Variants in RSPO3 observed in about 807,000 individuals in gnomAD.
The protein encoded by RSPO3 is R-spondin 3.
RSPO3 carries 17 observed loss-of-function variants against 36.5 expected under a neutral mutation model. That is an observed-to-expected ratio of 0.47 (90% CI 0.32 to 0.70). RSPO3 has a LOEUF of 0.70. RSPO3 is among the 30% of genes least tolerant of loss of function. RSPO3 has a pLI of 0.04. For missense variants in RSPO3, 294 were observed against 322.5 expected (o/e 0.91, Z 0.68); for synonymous variants, 108 against 107.0 (o/e 1.01, Z -0.06).
intron 1 of RSPO3, among the ~76,000 whole-genome samples, chr6:127,141,887 G>A (rs1191434427): frequency 6.6e-6 from 1 of 152,116 alleles, no homozygotes; most frequent in Admixed American, 6.6e-5. Context: ...ATATATGTGT[G>A]TGTGTATCCA....
intron 4 of RSPO3, among the ~76,000 whole-genome samples, chr6:127,160,631 A>T (rs75870051): frequency 1.3e-5 from 2 of 152,188 alleles, no homozygotes; most frequent in African/African-American, 4.8e-5. Context: ...TTCTAGGAGA[A>T]GGGTGGTAAC....
chr6:127,161,846 C>T (rs1372413116), intron 4 of RSPO3, among the ~76,000 whole-genome samples: 1 of 152,120 alleles, frequency 6.6e-6, no homozygotes, highest in African/African-American at 2.4e-5. Context: ...CCTAAGCAAA[C>T]AATGATCTTG....
intron 1 of RSPO3, among the ~76,000 whole-genome samples, chr6:127,148,000 A>G (rs1369320128): frequency 1.3e-5 from 2 of 152,156 alleles, no homozygotes; most frequent in African/African-American, 4.8e-5. Context: ...TGTGAGAAGA[A>G]ATATTTAATG....
rs74643666 is a variant in RSPO3, at chr6:127,197,870, C to G, written c.*1863C>G. On this transcript the variant is annotated 3_prime_UTR_variant, in exon 5 of 5. Transcript: ENST00000356698. ...TATAAAATAATTCTAATTCCATTTT[C>G]AGCTAAAACATATATTACCAAGAAG... is the stretch of plus-strand genomic sequence containing the variant. 0.022 allele frequency: 3,906 copies of G among 180,306 alleles called. 48 individuals are homozygous for G. Among genetic ancestry groups the G allele is most frequent in the South Asian group, 0.043 (272 of 6,396 alleles). The allele number at this position is 180,306 out of a possible 1,614,324, so 11.2% of individuals were successfully genotyped here.
rs568286189 is a variant in RSPO3 at position 127,126,936 on chromosome 6, TCTTTGCA to T, written c.97+7651_97+7657del. 3.5e-3 allele frequency among the ~76,000 whole-genome samples: 539 copies of T among 152,200 alleles called. 3 individuals are homozygous for T. The highest frequency in any genetic ancestry group is 0.012 in the African/African-American group (518 of 41,554). Reference sequence around the variant, plus strand: ...AAGCAGTTTATTCTCCTAGTCCTCTTCTTTGCACTTGGCATGGGCATGGTATTAGATC... The same window carrying T: ...AAGCAGTTTATTCTCCTAGTCCTCTTCTTGGCATGGGCATGGTATTAGATC... On this transcript the variant is annotated intron_variant, in intron 1 of 4. Coordinates refer to ENST00000356698, the MANE Select transcript of RSPO3 (RefSeq NM_032784.5).
chr6:127,126,877 CT>C (rs922881186), intron 1 of RSPO3, among the ~76,000 whole-genome samples: 2 of 152,068 alleles, frequency 1.3e-5, no homozygotes, highest in African/African-American at 4.8e-5. Context: ...AGCTCTCCCC[CT>C]TTTTCCTCCT....
intron 1 of RSPO3, among the ~76,000 whole-genome samples, chr6:127,140,686 C>T (rs1309044916): frequency 2.0e-5 from 3 of 152,120 alleles, no homozygotes; most frequent in African/African-American, 2.4e-5. Flanking sequence ...CTTAGAAATG[C>T]AGAGGCTACA....
At position 127,150,500 on chromosome 6, in the gene RSPO3, C is replaced by T. The variant is rs758211832; in HGVS notation, c.364C>T (p.Leu122Phe). The change falls in exon 3 of 5, where the codon CTT becomes TTT. Residue 122 changes from leucine (L) to phenylalanine (F), a missense_variant. Physicochemically the swap from Leu to Phe is conservative, Grantham distance 22. Coordinates refer to ENST00000356698, the MANE Select transcript of RSPO3 (RefSeq NM_032784.5). ...TKCKSGFYLH[L>F]GKCLDNCPEG... ...ATGTAAAAGTGGATTTTACTTACACCTTGGAAAGTGCCTTGACAATTGCCC... is the reference window on the plus strand; with the variant it reads ...ATGTAAAAGTGGATTTTACTTACACTTTGGAAAGTGCCTTGACAATTGCCC... 2.2e-5 allele frequency: 36 copies of T among 1,612,274 alleles called. No individual in the cohort carries two copies. Among genetic ancestry groups the T allele is most frequent in the Non-Finnish European group, 3.1e-5 (36 of 1,179,098 alleles).
At chr6:127,179,938 A>G (rs1051575546) in intron 4 of RSPO3, among the ~76,000 whole-genome samples, 1 of 151,896 alleles carries the variant, frequency 6.6e-6, no homozygotes, top group Non-Finnish European at 1.5e-5. Context: ...AATTAAATGG[A>G]CCAATCTGGA....
At chr6:127,152,839 T>C (rs1774516831) in intron 3 of RSPO3, among the ~76,000 whole-genome samples, 1 of 152,162 alleles carries the variant, frequency 6.6e-6, no homozygotes, top group Non-Finnish European at 1.5e-5. Flanking sequence ...CTTTCTGCAC[T>C]GTCATTTTGT....
intron 4 of RSPO3, among the ~76,000 whole-genome samples, chr6:127,189,790 T>C (rs907411461): frequency 9.2e-5 from 14 of 152,166 alleles, no homozygotes; most frequent in Admixed American, 9.2e-4. Context: ...GAAAATTAAA[T>C]AGAAAAGGCA....
At chr6:127,181,705 G>A (rs956336884) in intron 4 of RSPO3, among the ~76,000 whole-genome samples, 1 of 151,818 alleles carries the variant, frequency 6.6e-6, no homozygotes, top group African/African-American at 2.4e-5. Flanking sequence ...AGATAAACAA[G>A]TAAGCCAACC....
chr6:127,160,737 C>A (rs1774694341), intron 4 of RSPO3, among the ~76,000 whole-genome samples: 1 of 152,072 alleles, frequency 6.6e-6, no homozygotes, highest in African/African-American at 2.4e-5. Flanking sequence ...GTGGGTGTGT[C>A]TTTTAGAAAG....
At chr6:127,135,204 G>T (rs1027429491) in intron 1 of RSPO3, among the ~76,000 whole-genome samples, 1 of 151,666 alleles carries the variant, frequency 6.6e-6, no homozygotes, top group Admixed American at 6.6e-5. Flanking sequence ...GGCAGATTAC[G>T]AGGTCAAGAG....
rs56388820 is a variant in RSPO3 at position 127,144,643 on chromosome 6, G to GTTTTTTTTTTTT, written c.98-4003_98-3992dup. On this transcript the variant is annotated intron_variant, in intron 1 of 4. Coordinates refer to ENST00000356698, the MANE Select transcript of RSPO3 (RefSeq NM_032784.5). Reference sequence around the variant, plus strand: ...TGTAATTTTTCAGTAGCTTCCCCTTGTTTTTTTTTTTTTCAGACAGAGTCT... The same window carrying GTTTTTTTTTTTT: ...TGTAATTTTTCAGTAGCTTCCCCTTGTTTTTTTTTTTTTTTTTTTTTTTTTCAGACAGAGTCT... Among the ~76,000 whole-genome samples the GTTTTTTTTTTTT allele has an allele frequency of 1.8e-4, 18 of 99,128 alleles. 5 individuals carry two copies. Among genetic ancestry groups the GTTTTTTTTTTTT allele is most frequent in the East Asian group, 6.8e-4 (2 of 2,954 alleles). The allele number at this position is 99,128 out of a possible 152,430, so 65.0% of individuals were successfully genotyped here. A position where few individuals can be genotyped will look rare whatever the true frequency, so the allele number is the denominator to read the frequency against.
intron 1 of RSPO3, among the ~76,000 whole-genome samples, chr6:127,125,955 A>G (rs1272088462): frequency 6.6e-6 from 1 of 152,154 alleles, no homozygotes; most frequent in Non-Finnish European, 1.5e-5. Flanking sequence ...GCCCTAGGCT[A>G]CAACAGTGAA....
intron 1 of RSPO3, among the ~76,000 whole-genome samples, chr6:127,138,290 A>G (rs995963515): frequency 1.1e-4 from 16 of 152,052 alleles, no homozygotes; most frequent in Non-Finnish European, 2.4e-4. Flanking sequence ...AGTCTGTTTA[A>G]GTAGGTGTGT....
intron 1 of RSPO3, among the ~76,000 whole-genome samples, chr6:127,123,306 GACTACA>G (rs1773880760): frequency 1.3e-5 from 2 of 152,048 alleles, no homozygotes; most frequent in African/African-American, 4.8e-5. Flanking sequence ...TTTGGATATT[GACTACA>G]ATGTATTTTT....
chr6:127,188,100 C>G lies in RSPO3; in HGVS notation c.635-7723C>G, dbSNP rs376555674. 1.5e-4 allele frequency among the ~76,000 whole-genome samples: 23 copies of G among 152,150 alleles called. No homozygotes were observed. The East Asian group carries it at 2.9e-3, about 19-fold the overall frequency. On this transcript the variant is annotated intron_variant, in intron 4 of 4. Transcript: ENST00000356698. ...AGGCTGGGGTTCCAGGCAGCAGAAGCAATGAGGTGGAATGGAGTTAGCTTG... is the reference window on the plus strand; with the variant it reads ...AGGCTGGGGTTCCAGGCAGCAGAAGGAATGAGGTGGAATGGAGTTAGCTTG...
Sources: gnomAD v4.1 joint callset for allele counts (sites outside exome capture counted in the v4.1 genomes callset) on GRCh38, gnomAD v4.1.1 for gene constraint, MANE v1.5 for transcripts, NCBI Gene and HGNC (gene_info 2026-07-23, HGNC 2026-07-21) for gene names.